Variants in ZDHHC6 observed in about 807,000 individuals in gnomAD.
ZDHHC6 encodes zDHHC palmitoyltransferase 6, also known as palmitoyltransferase ZDHHC6.
Under a neutral mutation model 57.8 loss-of-function variants are expected in ZDHHC6, and 32 were observed. That is an observed-to-expected ratio of 0.55 (90% CI 0.42 to 0.74). ZDHHC6 has a LOEUF of 0.74. ZDHHC6 is among the 30% of genes least tolerant of loss of function. ZDHHC6 has a pLI of 0.00. For synonymous variants in ZDHHC6, 128 were observed against 158.0 expected (o/e 0.81, Z 1.42); for missense variants, 433 against 500.7 (o/e 0.86, Z 1.29).
intron 1 of ZDHHC6, among the ~76,000 whole-genome samples, chr10:112,446,119 G>A (rs1171650696): frequency 2.6e-5 from 4 of 152,152 alleles, no homozygotes; most frequent in African/African-American, 9.7e-5. Flanking sequence ...CTCTTATGAA[G>A]TCTTGAATTA....
At position 112,430,733 on chromosome 10, in the gene ZDHHC6, A is replaced by G. The variant is rs773144559; in HGVS notation, c.*71T>C. The G allele has an allele frequency of 1.5e-6, 2 of 1,377,908 alleles. No individual in the cohort carries two copies. Among genetic ancestry groups the G allele is most frequent in the Non-Finnish European group, 2.0e-6 (2 of 989,352 alleles). The allele number at this position is 1,377,908 out of a possible 1,614,324, so 85.4% of individuals were successfully genotyped here. ...CTTAACCAGAGTAGGCTCATTGCAT[A>G]ATTCTTTAGTAATATGTACAATTTT... On this transcript the variant is annotated 3_prime_UTR_variant, in exon 11 of 11. Coordinates refer to ENST00000369405, the MANE Select transcript of ZDHHC6 (RefSeq NM_022494.3).
chr10:112,434,802 G>C (rs936191573), intron 6 of ZDHHC6, among the ~76,000 whole-genome samples: 9 of 152,180 alleles, frequency 5.9e-5, no homozygotes, highest in African/African-American at 1.9e-4. Flanking sequence ...AAACAATTCA[G>C]GTATATAGAA....
chr10:112,438,779 G>A (rs1042405549), intron 5 of ZDHHC6, among the ~76,000 whole-genome samples: 3 of 151,824 alleles, frequency 2.0e-5, no homozygotes, highest in South Asian at 2.1e-4. Flanking sequence ...TTAAATTTAC[G>A]ATTAATCTAT....
At chr10:112,444,587 C>G (rs1237728963) in intron 2 of ZDHHC6, among the ~76,000 whole-genome samples, 2 of 152,176 alleles carry the variant, frequency 1.3e-5, no homozygotes, top group Non-Finnish European at 2.9e-5. Flanking sequence ...AAAGATTCTG[C>G]TTCAGTATGT....
Position 112,440,601 on chromosome 10 carries a change from G to A in ZDHHC6, c.614C>T (p.Thr205Ile). The stretch of plus-strand genomic sequence containing the variant: ...AGCTAATCCCAAGGCAAACAAGGTG[G>A]TAGCAAATGCAGCTAATCCAAATGG... The part of the protein sequence containing the change: ...IVPFGLAAFA[T>I]TLFALGLALG... The change falls in exon 5 of 11, where the codon ACC (threonine) becomes ATC (isoleucine). Residue 205 changes from threonine to isoleucine, a missense_variant. Thr to Ile is a moderately conservative substitution (Grantham distance 89). Coordinates refer to ENST00000369405, the MANE Select transcript of ZDHHC6 (RefSeq NM_022494.3). The A allele has an allele frequency of 6.2e-7, 1 of 1,614,082 alleles. No individual in the cohort carries two copies. The highest frequency in any genetic ancestry group is 8.5e-7 in the Non-Finnish European group (1 of 1,179,976).
chr10:112,429,388 CT>C (rs1844860408), downstream of ZDHHC6, among the ~76,000 whole-genome samples: 1 of 152,210 alleles, frequency 6.6e-6, no homozygotes, highest in African/African-American at 2.4e-5. Context: ...AAGCACATGA[CT>C]TGTCCCCTCA....
intron 8 of ZDHHC6, among the ~76,000 whole-genome samples, 175 bp downstream of exon 8, chr10:112,433,065 C>A (rs1382495043): frequency 5.9e-5 from 9 of 151,902 alleles, no homozygotes; most frequent in African/African-American, 2.2e-4. Context: ...ACCTCTAGTC[C>A]CAATTATTTA....
intron 6 of ZDHHC6, among the ~76,000 whole-genome samples, 166 bp from the exon 7 acceptor site, chr10:112,434,630 T>C (rs995800997): frequency 2.6e-5 from 4 of 152,298 alleles, no homozygotes; most frequent in Non-Finnish European, 4.4e-5. Flanking sequence ...CATCACAATA[T>C]AGGAAGAACT....
downstream of ZDHHC6, chr10:112,427,990 ATC>A (rs1844807741): frequency 6.4e-6 from 1 of 156,352 alleles, no homozygotes; most frequent in African/African-American, 2.4e-5. Flanking sequence ...CTAGTTAGAT[ATC>A]TGACTTGGGA....
chr10:112,425,331 C>T (rs1359839729), downstream of ZDHHC6: 1 of 1,606,694 alleles, frequency 6.2e-7, no homozygotes, highest in Admixed American at 1.7e-5. Flanking sequence ...TTATCTGTCT[C>T]ATGTAGAATG....
chr10:112,435,947 A>C (rs915578327), intron 6 of ZDHHC6, among the ~76,000 whole-genome samples: 14 of 152,222 alleles, frequency 9.2e-5, no homozygotes, highest in Non-Finnish European at 5.9e-5. Flanking sequence ...CAAAGGAAAC[A>C]AAAAGTACTT....
At chr10:112,442,854 C>T (rs1846257030) in intron 3 of ZDHHC6, among the ~76,000 whole-genome samples, 2 of 152,090 alleles carry the variant, frequency 1.3e-5, no homozygotes, top group Admixed American at 1.3e-4. Context: ...AAGCTAACTC[C>T]AGAATATAAG....
chr10:112,429,979 T>TGGGG (rs1296859364), downstream of ZDHHC6, among the ~76,000 whole-genome samples: 3 of 81,390 alleles, frequency 3.7e-5, no homozygotes, highest in Non-Finnish European at 7.7e-5. Context: ...GGGGGGGGTG[T>TGGGG]GGGGGGGGTA....
chr10:112,433,280 A>G lies in ZDHHC6; in HGVS notation c.905T>C (p.Ile302Thr). ...ATCTGCTTTTTGTTTCAACTGTTCT[A>G]TCTGTTTGGAAGAAATAAAAAGAAA... ...REGCHQYSLT[I>T]EQLKQKADKR... The change falls in exon 8 of 11, where the codon ATA (isoleucine) becomes ACA (threonine). Residue 302 changes from isoleucine to threonine, a missense_variant and splice_region_variant. Ile to Thr is a moderately conservative substitution (Grantham distance 89). Coordinates refer to ENST00000369405, the MANE Select transcript of ZDHHC6 (RefSeq NM_022494.3). 6.4e-7 allele frequency: 1 copy of G among 1,574,730 alleles called. No individual in the cohort carries two copies. Among genetic ancestry groups the G allele is most frequent in the Non-Finnish European group, 8.6e-7 (1 of 1,163,786 alleles).
chr10:112,437,118 G>A (rs1845618777), intron 6 of ZDHHC6, among the ~76,000 whole-genome samples: 1 of 151,926 alleles, frequency 6.6e-6, no homozygotes, highest in African/African-American at 2.4e-5. Flanking sequence ...AAAAAATTAA[G>A]GCTTTCAAAT....
chr10:112,442,377 AT>A, intron 3 of ZDHHC6, 26 bp from the exon 4 acceptor site: 1 of 1,593,702 alleles, frequency 6.3e-7, no homozygotes, highest in East Asian at 2.2e-5. Flanking sequence ...TACATAAAAC[AT>A]GAGGCAGAAA....
In ZDHHC6 at chr10:112,432,453, G is replaced by A; in HGVS notation, c.1014C>T (p.Phe338=). The part of the protein sequence containing the change: ...CCPLNKGIKT[F]FTSPCTEEPR... ...GCTCTTCGGTGCAGGGACTTGTGAAGAAGGTTTTGATTCCTTTATTCAGAG... is the reference window on the plus strand; with the variant it reads ...GCTCTTCGGTGCAGGGACTTGTGAAAAAGGTTTTGATTCCTTTATTCAGAG... The change falls in exon 9 of 11, where the codon TTC becomes TTT. Residue 338 remains phenylalanine, a synonymous_variant. Transcript: ENST00000369405. The A allele has an allele frequency of 6.2e-7, 1 of 1,614,166 alleles. No homozygotes were observed. Among genetic ancestry groups the A allele is most frequent in the Non-Finnish European group, 8.5e-7 (1 of 1,180,036 alleles).
intron 5 of ZDHHC6, among the ~76,000 whole-genome samples, chr10:112,439,587 G>A (rs547273321): frequency 4.9e-5 from 6 of 122,476 alleles, no homozygotes; most frequent in African/African-American, 1.9e-4. Context: ...CTGAGTTCAC[G>A]CCATTGTTCT....
chr10:112,426,327 A>G (rs533873263), downstream of ZDHHC6: 4 of 1,614,080 alleles, frequency 2.5e-6, no homozygotes, highest in Admixed American at 6.7e-5. Context: ...GCTTGGGGTG[A>G]AGGGCTCCTT....
Sources: gnomAD v4.1 joint callset for allele counts (sites outside exome capture counted in the v4.1 genomes callset) on GRCh38, gnomAD v4.1.1 for gene constraint, MANE v1.5 for transcripts, NCBI Gene and HGNC (gene_info 2026-07-23, HGNC 2026-07-21) for gene names.